Variants in CADM2 observed in about 807,000 individuals in gnomAD.
The protein encoded by CADM2 is immunoglobulin superfamily member 4D.
Under a neutral mutation model 49.8 loss-of-function variants are expected in CADM2, and 12 were observed. The ratio of observed to expected loss-of-function variants is 0.24; its 90% CI spans 0.15 to 0.39. The LOEUF (loss-of-function observed/expected upper bound fraction) is 0.39. Among genes scored for constraint, CADM2 ranks in the 10% least tolerant of loss-of-function variants. The probability of loss-of-function intolerance (pLI) is 1.00; values close to 1 mark genes in which losing one functional copy is unlikely to be tolerated. For synonymous variants in CADM2, 214 were observed against 175.4 expected, an observed-to-expected ratio of 1.22 and a Z score of -1.74; for missense variants, 378 against 492.3, an observed-to-expected ratio of 0.77 and a Z score of 2.20.
intron 1 of CADM2, among the ~76,000 whole-genome samples, chr3:85,650,608 A>C (rs910261192): frequency 1.3e-5 from 2 of 151,872 alleles, no homozygotes; most frequent in East Asian, 3.9e-4. Context: ...GGTGTAACCT[A>C]GGAACTTGTT....
At chr3:85,497,069 G>T (rs577686708) in intron 1 of CADM2, among the ~76,000 whole-genome samples, 37 of 152,206 alleles carry the variant, frequency 2.4e-4, no homozygotes, top group Admixed American at 9.2e-4. Context: ...GGATGGTCTC[G>T]ATCTCCTGAC....
chr3:86,006,776 C>T (rs1289196958), intron 8 of CADM2, among the ~76,000 whole-genome samples: 2 of 152,040 alleles, frequency 1.3e-5, no homozygotes, highest in Non-Finnish European at 2.9e-5. Flanking sequence ...CGTGGTGGCT[C>T]ACACCTGTAA....
At chr3:85,157,043 C>T (rs1207211385) in intron 1 of CADM2, among the ~76,000 whole-genome samples, 1 of 152,010 alleles carries the variant, frequency 6.6e-6, no homozygotes, top group Non-Finnish European at 1.5e-5. Context: ...TATACACCAA[C>T]AACAGACAAA....
rs1172485942 is a variant in CADM2 at position 86,068,566 on chromosome 3, G to A, written c.*1783G>A. The stretch of plus-strand genomic sequence containing the variant: ...CATCATGTATTAATATCAAATGAAA[G>A]ACAAGGGTGCTGTATCTTTGATTAT... On this transcript the variant is annotated 3_prime_UTR_variant, in exon 10 of 10. Coordinates refer to ENST00000383699, the MANE Select transcript of CADM2 (RefSeq NM_001167675.2). 4.0e-5 allele frequency: 6 copies of A among 151,892 alleles called. No individual in the cohort carries two copies. The highest frequency in any genetic ancestry group is 1.4e-4 in the African/African-American group (6 of 41,418). 9.4% of individuals were successfully genotyped at this position (151,892 alleles called of 1,614,324 possible). A position where few individuals can be genotyped will look rare whatever the true frequency, so the allele number is the denominator to read the frequency against.
intron 3 of CADM2, among the ~76,000 whole-genome samples, chr3:85,842,437 T>G (rs2074680374): frequency 6.6e-6 from 1 of 152,156 alleles, no homozygotes; most frequent in Non-Finnish European, 1.5e-5. Context: ...AGCTGCTATT[T>G]TTTTCATTTT....
At chr3:85,923,840 C>T (rs1719475645) in intron 6 of CADM2, among the ~76,000 whole-genome samples, 1 of 152,158 alleles carries the variant, frequency 6.6e-6, no homozygotes. Context: ...TAAGGAAATG[C>T]TATTTAAATT....
chr3:85,734,522 CACAT>C (rs1226958808), intron 2 of CADM2, among the ~76,000 whole-genome samples: 2 of 141,790 alleles, frequency 1.4e-5, no homozygotes, highest in East Asian at 2.1e-4. Context: ...GACACATACA[CACAT>C]ACACACACAT....
At chr3:85,158,414 C>T (rs2040210709) in intron 1 of CADM2, among the ~76,000 whole-genome samples, 1 of 152,140 alleles carries the variant, frequency 6.6e-6, no homozygotes, top group African/African-American at 2.4e-5. Flanking sequence ...CGGCAGTATT[C>T]ACAATAGCAA....
chr3:85,936,645 G>C (rs1192501037), intron 7 of CADM2, among the ~76,000 whole-genome samples: 2 of 151,558 alleles, frequency 1.3e-5, no homozygotes, highest in African/African-American at 4.8e-5. Context: ...ATTGTTCTTT[G>C]TATATAACTA....
At chr3:85,139,140 T>C (rs1437175806) in intron 1 of CADM2, among the ~76,000 whole-genome samples, 1 of 152,228 alleles carries the variant, frequency 6.6e-6, no homozygotes, top group Non-Finnish European at 1.5e-5. Context: ...TTTCTGTTCC[T>C]ATTGGTCTTT....
At chr3:85,904,996 G>A (rs1223881568) in intron 5 of CADM2, among the ~76,000 whole-genome samples, 3 of 151,094 alleles carry the variant, frequency 2.0e-5, no homozygotes, top group East Asian at 1.9e-4. Flanking sequence ...CCCTTTTTTT[G>A]TAAAATTTAT....
At chr3:85,020,331 C>T (rs73139679) in intron 1 of CADM2, among the ~76,000 whole-genome samples, 9,321 of 152,116 alleles carry the variant, frequency 0.061, 369 homozygotes, top group Admixed American at 0.094. Flanking sequence ...ATAAGAAATG[C>T]TTTCACTGCT....
At chr3:85,979,127 G>A (rs1727152003) in intron 8 of CADM2, 2 of 1,595,400 alleles carry the variant, frequency 1.3e-6, no homozygotes, top group Non-Finnish European at 8.6e-7. Context: ...TTGTTTGCAT[G>A]ATATGATTTT....
At chr3:85,485,223 C>G (rs1048132838) in intron 1 of CADM2, among the ~76,000 whole-genome samples, 2 of 151,536 alleles carry the variant, frequency 1.3e-5, no homozygotes, top group African/African-American at 4.8e-5. Flanking sequence ...CTTTTATTCA[C>G]CAATATAAAT....
intron 8 of CADM2, among the ~76,000 whole-genome samples, chr3:85,987,721 A>G (rs1414490615): frequency 2.0e-5 from 3 of 147,392 alleles, no homozygotes; most frequent in South Asian, 2.1e-4. Context: ...AAATAATTAA[A>G]TATAATTATT....
chr3:84,968,215 T>C (rs1489720153), intron 1 of CADM2, among the ~76,000 whole-genome samples: 2 of 152,024 alleles, frequency 1.3e-5, no homozygotes, highest in African/African-American at 2.4e-5. Flanking sequence ...ACTTCAGGAT[T>C]CAAGAATCAA....
At chr3:85,206,908 G>C (rs1009585070) in intron 1 of CADM2, among the ~76,000 whole-genome samples, 4 of 151,838 alleles carry the variant, frequency 2.6e-5, no homozygotes, top group African/African-American at 9.7e-5. Flanking sequence ...TATTGGAAAT[G>C]GTTTGGAATT....
intron 1 of CADM2, among the ~76,000 whole-genome samples, chr3:85,230,318 T>C (rs1039150137): frequency 6.6e-6 from 1 of 152,206 alleles, no homozygotes; most frequent in African/African-American, 2.4e-5. Flanking sequence ...ACAAAATGTA[T>C]TATATAGCTA....
chr3:85,431,933 G>A (rs1645405048), intron 1 of CADM2, among the ~76,000 whole-genome samples: 1 of 122,106 alleles, frequency 8.2e-6, no homozygotes, highest in Admixed American at 9.9e-5. Context: ...GTTTTATAGA[G>A]TAGGCTAGGA....
Sources: allele counts gnomAD v4.1 joint callset (sites outside exome capture counted in the v4.1 genomes callset), GRCh38; gene constraint gnomAD v4.1.1; transcripts MANE v1.5; gene names NCBI Gene and HGNC (gene_info 2026-07-23, HGNC 2026-07-21).